The following CMTM5 variants were observed in gnomAD, a reference collection of about 807,000 sequenced individuals.
CMTM5 encodes CKLF-like MARVEL transmembrane domain-containing protein 5.
CMTM5 carries 25 observed loss-of-function variants against 26.9 expected under a neutral mutation model. The observed-to-expected ratio is 0.93, with a 90% confidence interval of 0.68 to 1.30. The LOEUF (loss-of-function observed/expected upper bound fraction) is 1.30, where lower values mean the gene tolerates loss of function less well. Among genes scored for constraint, CMTM5 ranks in the 50% most tolerant of loss-of-function variants. The probability of loss-of-function intolerance (pLI) is 0.00; values close to 1 mark genes in which losing one functional copy is unlikely to be tolerated. For synonymous variants in CMTM5, 98 were observed against 115.5 expected (o/e 0.85, Z 0.97); for missense variants, 292 against 289.6 (o/e 1.01, Z -0.06).
Position 23,378,111 on chromosome 14 carries a change from A to G in CMTM5, c.127-238A>G. 1 of 575,486 alleles carries G rather than the reference A, an allele frequency of 1.7e-6. No homozygotes were observed. Among genetic ancestry groups the G allele is most frequent in the Non-Finnish European group, 3.1e-6 (1 of 323,936 alleles). 35.6% of individuals were successfully genotyped at this position (575,486 alleles called of 1,614,324 possible). A position where few individuals can be genotyped will look rare whatever the true frequency, so the allele number is the denominator to read the frequency against. On this transcript the variant is annotated intron_variant, in intron 1 of 5. Transcript: ENST00000339180. This position sits in a 1 kb window ranked among gnomAD's most constrained non-coding sequence, Gnocchi z 4.2. The stretch of plus-strand genomic sequence containing the variant: ...CTCCTGGGAGCCATATGGCTTGGCC[A>G]GACTGCTGGGGTTGCTGGGTGAGCA...
Position 23,377,061 on chromosome 14 carries a change from G to C in CMTM5, c.-191G>C. ...CAGCAGAGGCACTCTGGGCAGCTGG[G>C]TGAGGGCCCATCTGGGCAAGGCCCC... is the stretch of plus-strand genomic sequence containing the variant. On this transcript the variant is annotated 5_prime_UTR_variant, in exon 1 of 6. Coordinates refer to ENST00000339180, the MANE Select transcript of CMTM5 (RefSeq NM_001288746.2). This position sits in a 1 kb window ranked among gnomAD's most constrained non-coding sequence, Gnocchi z 4.6. 1 of 688,132 alleles carries C rather than the reference G, an allele frequency of 1.5e-6. No individual in the cohort carries two copies. Among genetic ancestry groups the C allele is most frequent in the East Asian group, 2.9e-5 (1 of 34,360 alleles). The allele number at this position is 688,132 out of a possible 1,614,324, so 42.6% of individuals were successfully genotyped here. A position where few individuals can be genotyped will look rare whatever the true frequency, so the allele number is the denominator to read the frequency against.
chr14:23,377,416 G>A lies in CMTM5; in HGVS notation c.126+39G>A. 1 of 1,523,938 alleles carries A rather than the reference G, an allele frequency of 6.6e-7. No homozygotes were observed. Among genetic ancestry groups the A allele is most frequent in the Non-Finnish European group, 8.8e-7 (1 of 1,136,094 alleles). The allele number at this position is 1,523,938 out of a possible 1,614,324, so 94.4% of individuals were successfully genotyped here. ...CCCAACCTGGTGCCTCCATCTCCCT[G>A]ACCCCCGGCTCCTGGCCAGCCTTAT... On this transcript the variant is annotated intron_variant, in intron 1 of 5. Transcript: ENST00000339180. This position sits in a 1 kb window ranked among gnomAD's most constrained non-coding sequence, Gnocchi z 4.6.
chr14:23,377,502 G>A lies in CMTM5; in HGVS notation c.126+125G>A. The stretch of plus-strand genomic sequence containing the variant: ...CCCAAGCCCTCTGGACACCTCTCCT[G>A]CCCGCAGCTGCCCCTTCTTCGTCTC... On this transcript the variant is annotated intron_variant, in intron 1 of 5. Coordinates refer to ENST00000339180, the MANE Select transcript of CMTM5 (RefSeq NM_001288746.2). The surrounding 1 kb of genome is among the most constrained non-coding windows in gnomAD (Gnocchi z 4.6). 1.9e-6 allele frequency: 2 copies of A among 1,037,624 alleles called. No individual in the cohort carries two copies. The highest frequency in any genetic ancestry group is 2.0e-5 in the South Asian group (1 of 49,708). The allele number at this position is 1,037,624 out of a possible 1,614,324, so 64.3% of individuals were successfully genotyped here. A position where few individuals can be genotyped will look rare whatever the true frequency, so the allele number is the denominator to read the frequency against.
In CMTM5 at chr14:23,378,999, G is replaced by A; in HGVS notation, c.481-32G>A. ...CAGGGTAACGCCCCCTGCCTTCTGAGGTCCTGTTAACCCTGCACCCCTGGC... is the reference window on the plus strand; with the variant it reads ...CAGGGTAACGCCCCCTGCCTTCTGAAGTCCTGTTAACCCTGCACCCCTGGC... On this transcript the variant is annotated intron_variant, in intron 3 of 5. Transcript: ENST00000339180. The surrounding 1 kb of genome is among the most constrained non-coding windows in gnomAD (Gnocchi z 4.2). 3 of 1,612,086 alleles carry A rather than the reference G, an allele frequency of 1.9e-6. No homozygotes were observed. Among genetic ancestry groups the A allele is most frequent in the Non-Finnish European group, 2.5e-6 (3 of 1,178,374 alleles).
chr14:23,378,720 C>T lies in CMTM5; in HGVS notation c.331C>T (p.His111Tyr), dbSNP rs562483413. Residue 111 changes from histidine to tyrosine, a missense_variant, in exon 3 of 6, where the codon CAC (histidine) becomes TAC (tyrosine). Transcript: ENST00000339180. The surrounding 1 kb of genome is among the most constrained non-coding windows in gnomAD (Gnocchi z 4.2). ...ACCACATCCGCTAGATCTACTCTCC[C>T]ACTCAGCAAAGGTCCAGCCCCAGCC... ...GGPHPLDLLS[H>Y]SAKVQPQPWP... 2.2e-5 allele frequency: 36 copies of T among 1,612,690 alleles called. No individual in the cohort carries two copies. In the East Asian group the frequency reaches 5.6e-4, roughly 25 times the overall value.
chr14:23,378,880 T>C lies in CMTM5; in HGVS notation c.480+11T>C, dbSNP rs1368405029. ...TCCCTGGGTAGCAGTGTGAGCGCTCTGTCTCTTGAATGTGCTTCATATTGT... is the reference window on the plus strand; with the variant it reads ...TCCCTGGGTAGCAGTGTGAGCGCTCCGTCTCTTGAATGTGCTTCATATTGT... On this transcript the variant is annotated intron_variant, in intron 3 of 5. Transcript: ENST00000339180. This position sits in a 1 kb window ranked among gnomAD's most constrained non-coding sequence, Gnocchi z 4.2. 6.2e-7 allele frequency: 1 copy of C among 1,612,778 alleles called. No homozygotes were observed. The highest frequency in any genetic ancestry group is 1.7e-5 in the Admixed American group (1 of 59,892).
rs576214707 is a variant in CMTM5 at position 23,379,126 on chromosome 14, G to A, written c.573+3G>A. The A allele has an allele frequency of 1.2e-6, 2 of 1,613,654 alleles. No individual in the cohort carries two copies. The highest frequency in any genetic ancestry group is 1.1e-5 in the South Asian group (1 of 91,048). ...ACGGAGCTGCCATTGCTGCTTTTGT[G>A]AGTTCAGCCCTGCAGGACTCCTTAG... On this transcript the variant is annotated splice_donor_region_variant and intron_variant, in intron 4 of 5. Coordinates refer to ENST00000339180, the MANE Select transcript of CMTM5 (RefSeq NM_001288746.2).
rs1449764734 is a variant in CMTM5 at position 23,378,886 on chromosome 14, T to G, written c.480+17T>G. 1 of 1,612,550 alleles carries G rather than the reference T, an allele frequency of 6.2e-7. No individual in the cohort carries two copies. Among genetic ancestry groups the G allele is most frequent in the African/African-American group, 1.3e-5 (1 of 75,010 alleles). Reference sequence around the variant, plus strand: ...GGTAGCAGTGTGAGCGCTCTGTCTCTTGAATGTGCTTCATATTGTGTGAGG... The same window carrying G: ...GGTAGCAGTGTGAGCGCTCTGTCTCGTGAATGTGCTTCATATTGTGTGAGG... On this transcript the variant is annotated intron_variant, in intron 3 of 5. Transcript: ENST00000339180. The surrounding 1 kb of genome is among the most constrained non-coding windows in gnomAD (Gnocchi z 4.2).
In CMTM5 at chr14:23,379,340, C is replaced by T; in HGVS notation, c.615C>T (p.Ala205=). Residue 205 remains alanine, a synonymous_variant, in exon 5 of 6, where the codon GCC becomes GCT. Coordinates refer to ENST00000339180, the MANE Select transcript of CMTM5 (RefSeq NM_001288746.2). ...TGGTTTCCATCTTTGCCTATGATGCCTTCAAGATCTACCGGACTGAGATGG... is the reference window on the plus strand; with the variant it reads ...TGGTTTCCATCTTTGCCTATGATGCTTTCAAGATCTACCGGACTGAGATGG... ...IILVSIFAYD[A]FKIYRTEMAP... is the part of the protein sequence containing the mutation. 5 of 1,614,162 alleles carry T rather than the reference C, an allele frequency of 3.1e-6. No individual in the cohort carries two copies. The highest frequency in any genetic ancestry group is 4.2e-6 in the Non-Finnish European group (5 of 1,180,026).
At chr14:23,376,969 G>C (rs1291711442), upstream of CMTM5, 9 of 437,646 alleles carry the variant, frequency 2.1e-5, no homozygotes, top group Non-Finnish European at 3.7e-5. Flanking sequence ...TCTAAGCAAG[G>C]GGAGGGATTA....
At position 23,377,317 on chromosome 14, in the gene CMTM5, C is replaced by T; in HGVS notation, c.66C>T (p.Gly22=). ...AGGGGGTAGTTGCAGAGCTCCAGGG[C>T]TTCGCGGTGGACAAGGCCTTCCTCA... is the stretch of plus-strand genomic sequence containing the variant. ...PEEGVVAELQ[G]FAVDKAFLTS... Residue 22 remains glycine, a synonymous_variant, in exon 1 of 6, where the codon GGC becomes GGT. Transcript: ENST00000339180. This position sits in a 1 kb window ranked among gnomAD's most constrained non-coding sequence, Gnocchi z 4.6. 3 of 1,610,952 alleles carry T rather than the reference C, an allele frequency of 1.9e-6. No individual in the cohort carries two copies. In the South Asian group the frequency reaches 3.3e-5, roughly 18 times the overall value.
chr14:23,377,014 T>A (rs559172687), upstream of CMTM5: 10 of 540,662 alleles, frequency 1.8e-5, no homozygotes, highest in Admixed American at 1.4e-4. The surrounding 1 kb of genome is among the most constrained non-coding windows in gnomAD (Gnocchi z 4.6). Context: ...CCCATGGGTC[T>A]CTAGGGGGCT....
At position 23,379,630 on chromosome 14, in the gene CMTM5, G is replaced by A. The variant is rs1890782144; in HGVS notation, c.*143G>A. 7.2e-7 allele frequency: 1 copy of A among 1,395,418 alleles called. No individual in the cohort carries two copies. The highest frequency in any genetic ancestry group is 9.4e-7 in the Non-Finnish European group (1 of 1,059,286). The allele number at this position is 1,395,418 out of a possible 1,614,324, so 86.4% of individuals were successfully genotyped here. On this transcript the variant is annotated 3_prime_UTR_variant, in exon 6 of 6. Transcript: ENST00000339180. ...CAGTCTGGCCTGAGACGTCACTGGG[G>A]ACTTATCTGTGGAGCCTGGTGCTCC...
Position 23,377,494 on chromosome 14 carries a change from C to T in CMTM5, c.126+117C>T, listed in dbSNP as rs575121421. 1 of 1,167,270 alleles carries T rather than the reference C, an allele frequency of 8.6e-7. No individual in the cohort carries two copies. Among genetic ancestry groups the T allele is most frequent in the Admixed American group, 2.9e-5 (1 of 34,100 alleles). The allele number at this position is 1,167,270 out of a possible 1,614,324, so 72.3% of individuals were successfully genotyped here. On this transcript the variant is annotated intron_variant, in intron 1 of 5. Transcript: ENST00000339180. The surrounding 1 kb of genome is among the most constrained non-coding windows in gnomAD (Gnocchi z 4.6). Reference sequence around the variant, plus strand: ...CCTCCTTCCCCAAGCCCTCTGGACACCTCTCCTGCCCGCAGCTGCCCCTTC... The same window carrying T: ...CCTCCTTCCCCAAGCCCTCTGGACATCTCTCCTGCCCGCAGCTGCCCCTTC...
chr14:23,378,132 G>T lies in CMTM5; in HGVS notation c.127-217G>T. 1.7e-6 allele frequency: 1 copy of T among 597,140 alleles called. No homozygotes were observed. Among genetic ancestry groups the T allele is most frequent in the Non-Finnish European group, 3.0e-6 (1 of 338,686 alleles). 37.0% of individuals were successfully genotyped at this position (597,140 alleles called of 1,614,324 possible). A position where few individuals can be genotyped will look rare whatever the true frequency, so the allele number is the denominator to read the frequency against. On this transcript the variant is annotated intron_variant, in intron 1 of 5. Transcript: ENST00000339180. This position sits in a 1 kb window ranked among gnomAD's most constrained non-coding sequence, Gnocchi z 4.2. Reference sequence around the variant, plus strand: ...GGCCAGACTGCTGGGGTTGCTGGGTGAGCAGAGTGGGAGGCCGGAGACTGC... The same window carrying T: ...GGCCAGACTGCTGGGGTTGCTGGGTTAGCAGAGTGGGAGGCCGGAGACTGC...
At position 23,377,332 on chromosome 14, in the gene CMTM5, G is replaced by A. The variant is rs1890610654; in HGVS notation, c.81G>A (p.Lys27=). ...VAELQGFAVD[K]AFLTSHKGIL... The stretch of plus-strand genomic sequence containing the variant: ...AGCTCCAGGGCTTCGCGGTGGACAA[G>A]GCCTTCCTCACCTCCCACAAGGGCA... Residue 27 remains lysine (K), a synonymous_variant, in exon 1 of 6, where the codon AAG becomes AAA. Transcript: ENST00000339180. This position sits in a 1 kb window ranked among gnomAD's most constrained non-coding sequence, Gnocchi z 4.6. 1 of 1,607,318 alleles carries A rather than the reference G, an allele frequency of 6.2e-7. No homozygotes were observed. The highest frequency in any genetic ancestry group is 8.5e-7 in the Non-Finnish European group (1 of 1,175,824).
In CMTM5 at chr14:23,379,394, G is replaced by A; in HGVS notation, c.658+11G>A. On this transcript the variant is annotated intron_variant, in intron 5 of 5. Coordinates refer to ENST00000339180, the MANE Select transcript of CMTM5 (RefSeq NM_001288746.2). ...CCGGGGCCAGCCAGGGTGAGTGCCTGTGCTCTGTGGAGAGGAGATGCCCTC... is the reference window on the plus strand; with the variant it reads ...CCGGGGCCAGCCAGGGTGAGTGCCTATGCTCTGTGGAGAGGAGATGCCCTC... 1.9e-6 allele frequency: 3 copies of A among 1,614,130 alleles called. No individual in the cohort carries two copies. The highest frequency in any genetic ancestry group is 2.5e-6 in the Non-Finnish European group (3 of 1,180,020).
intron 4 of CMTM5, 75 bp downstream of exon 4, chr14:23,379,198 G>C (rs940219564): frequency 7.5e-6 from 12 of 1,598,746 alleles, no homozygotes; most frequent in Non-Finnish European, 9.4e-6. Context: ...TGTATCAGAA[G>C]CCACAGCCAG....
In CMTM5 at chr14:23,377,147, C is replaced by T. The variant is rs1311524938; in HGVS notation, c.-105C>T. On this transcript the variant is annotated 5_prime_UTR_variant, in exon 1 of 6. Coordinates refer to ENST00000339180, the MANE Select transcript of CMTM5 (RefSeq NM_001288746.2). The surrounding 1 kb of genome is among the most constrained non-coding windows in gnomAD (Gnocchi z 4.6). ...AGCCTCCTGCTTCACTTTCAGGTTT[C>T]TCGAAGTGCCTTCTTGCTCCTGTCT... is the stretch of plus-strand genomic sequence containing the variant. 1 of 1,480,154 alleles carries T rather than the reference C, an allele frequency of 6.8e-7. No individual in the cohort carries two copies. Among genetic ancestry groups the T allele is most frequent in the Non-Finnish European group, 9.1e-7 (1 of 1,093,092 alleles). The allele number at this position is 1,480,154 out of a possible 1,614,324, so 91.7% of individuals were successfully genotyped here.
Sources: allele counts gnomAD v4.1 joint callset, GRCh38; gene constraint gnomAD v4.1.1; non-coding constraint Gnocchi (gnomAD v3.1); transcripts MANE v1.5; gene names NCBI Gene and HGNC (gene_info 2026-07-23, HGNC 2026-07-21).